The following WASHC2A variants were observed in gnomAD, a reference collection of about 807,000 sequenced individuals.
WASHC2A encodes WASH complex subunit FAM21A.
In WASHC2A, 82 loss-of-function variants were observed where a neutral mutation model predicts 140.3. The observed-to-expected ratio is 0.58, with a 90% CI of 0.49 to 0.70. WASHC2A has a LOEUF of 0.70. WASHC2A is among the 30% of genes least tolerant of loss of function. The probability of loss-of-function intolerance (pLI) is 0.00; values close to 1 mark genes in which losing one functional copy is unlikely to be tolerated. For missense variants in WASHC2A, 985 were observed against 1,521.8 expected (o/e 0.65, Z 5.87); for synonymous variants, 340 against 560.8 (o/e 0.61, Z 5.56).
At chr10:50,068,261 A>G (rs782797775) in intron 2 of WASHC2A, 34 bp downstream of exon 2, 165 of 1,535,118 alleles carry the variant, frequency 1.1e-4, no homozygotes, top group Non-Finnish European at 1.4e-4. Context: ...CGAGAGCGGC[A>G]GGGGTGACGC....
chr10:50,104,165 C>T lies in WASHC2A; in HGVS notation c.1737+22C>T, dbSNP rs1220089132. On this transcript the variant is annotated intron_variant, in intron 18 of 30. Transcript: ENST00000282633. ...AGAGGTAAACATTGTTATTGTAACA[C>T]TAGATAATTTAGATTAGGAGAAAAC... 2.0e-6 allele frequency: 3 copies of T among 1,533,812 alleles called. No homozygotes were observed. The African/African-American group carries it at 4.1e-5, about 21-fold the overall frequency.
rs1330147893 is a variant in WASHC2A at position 50,129,965 on chromosome 10, C to G, written c.3634C>G (p.Gln1212Glu). 1.2e-6 allele frequency: 2 copies of G among 1,611,922 alleles called. No homozygotes were observed. The highest frequency in any genetic ancestry group is 1.7e-5 in the Admixed American group (1 of 59,988). Residue 1212 changes from glutamine to glutamate, a missense_variant, in exon 29 of 31, where the codon CAG becomes GAG. Physicochemically the swap from Gln to Glu is conservative, Grantham distance 29. Transcript: ENST00000282633. ...LEDEDDLFTD[Q>E]KVKKNETKSN... ...AGATGAGGATGACCTCTTTACAGAT[C>G]AGAAAGTCAAGAAGAATGAGACAAA...
intron 3 of WASHC2A, among the ~76,000 whole-genome samples, chr10:50,073,315 C>T (rs1838025603): frequency 1.3e-5 from 2 of 151,944 alleles, no homozygotes; most frequent in South Asian, 4.2e-4. Context: ...AACAAATTAA[C>T]CTGTTTATGC....
intron 2 of WASHC2A, among the ~76,000 whole-genome samples, chr10:50,069,107 A>G (rs61856711): frequency 0.18 from 27,194 of 151,506 alleles, 3,289 homozygotes; most frequent in East Asian, 0.6. Flanking sequence ...GTGTTTTCCA[A>G]TGTCACTTGG....
intron 14 of WASHC2A, 139 bp downstream of exon 14, chr10:50,095,346 A>T (rs1840372169): frequency 1.1e-6 from 1 of 934,142 alleles, no homozygotes; most frequent in Admixed American, 2.9e-5. Flanking sequence ...TTATAGAAAG[A>T]GCTCATTTAC....
intron 4 of WASHC2A, among the ~76,000 whole-genome samples, chr10:50,079,131 ACTT>A (rs1838653371): frequency 6.6e-6 from 1 of 150,544 alleles, no homozygotes; most frequent in African/African-American, 2.5e-5. Context: ...GGTCACACTG[ACTT>A]CTTAGCACTC....
chr10:50,071,497 G>C (rs1217014592), intron 3 of WASHC2A, among the ~76,000 whole-genome samples: 4 of 151,930 alleles, frequency 2.6e-5, no homozygotes, highest in Non-Finnish European at 4.4e-5. Context: ...AGAAGAGACG[G>C]GGTTTCACCG....
chr10:50,077,696 A>G (rs1425204704), intron 3 of WASHC2A, among the ~76,000 whole-genome samples: 2 of 152,192 alleles, frequency 1.3e-5, no homozygotes, highest in Non-Finnish European at 2.9e-5. Context: ...TTTTTGAGAT[A>G]GGGTCTCACT....
At chr10:50,121,920 T>C (rs1285342083) in intron 23 of WASHC2A, among the ~76,000 whole-genome samples, 1 of 141,096 alleles carries the variant, frequency 7.1e-6, no homozygotes, top group African/African-American at 2.8e-5. Flanking sequence ...ATTGGTAAGG[T>C]GGCAATACTT....
At chr10:50,129,311 A>C in intron 28 of WASHC2A, 108 bp from the exon 29 acceptor site, 1 of 1,585,092 alleles carries the variant, frequency 6.3e-7, no homozygotes, top group Non-Finnish European at 8.6e-7. Context: ...TCTTCATTGA[A>C]GTAGACCAGA....
chr10:50,080,179 A>G (rs1475451627), intron 4 of WASHC2A, among the ~76,000 whole-genome samples: 1 of 152,218 alleles, frequency 6.6e-6, no homozygotes, highest in Non-Finnish European at 1.5e-5. Flanking sequence ...GGTGATATGA[A>G]CAAACCTTTT....
At chr10:50,127,323 C>CT (rs1843520773) in intron 27 of WASHC2A, 101 bp downstream of exon 27, 1 of 1,599,520 alleles carries the variant, frequency 6.3e-7, no homozygotes, top group South Asian at 1.1e-5. Context: ...CTTCTCATCT[C>CT]TTCCCCCGCC....
chr10:50,111,432 G>A (rs1352364006), intron 20 of WASHC2A, among the ~76,000 whole-genome samples: 74 of 152,160 alleles, frequency 4.9e-4, no homozygotes, highest in African/African-American at 1.7e-3. Flanking sequence ...GATTCTGCCA[G>A]TTCCTGTCTG....
chr10:50,089,121 T>C (rs1193925624), intron 8 of WASHC2A, among the ~76,000 whole-genome samples: 1 of 151,010 alleles, frequency 6.6e-6, no homozygotes, highest in Non-Finnish European at 1.5e-5. Context: ...TGTGCCACCA[T>C]GCCCAGCTAG....
intron 2 of WASHC2A, among the ~76,000 whole-genome samples, chr10:50,068,597 T>C (rs2805113): frequency 7.3e-5 from 11 of 151,280 alleles, no homozygotes; most frequent in Non-Finnish European, 1.5e-4. Context: ...TAATGGGATT[T>C]TTCAAATCGG....
At chr10:50,129,250 C>A in intron 28 of WASHC2A, 169 bp from the exon 29 acceptor site, 4 of 1,205,710 alleles carry the variant, frequency 3.3e-6, no homozygotes, top group South Asian at 1.5e-5. Context: ...CTATTAAACT[C>A]CTTCCTTGGA....
intron 3 of WASHC2A, among the ~76,000 whole-genome samples, chr10:50,072,481 CTTTTT>C (rs11440968): frequency 0.22 from 19,435 of 89,864 alleles, 798 homozygotes; most frequent in Admixed American, 0.33. Flanking sequence ...AGTGATCTGG[CTTTTT>C]TTTTTTTTTT....
At chr10:50,100,184 TA>T in intron 17 of WASHC2A, 120 bp downstream of exon 17, 1 of 1,485,180 alleles carries the variant, frequency 6.7e-7, no homozygotes, top group Non-Finnish European at 9.1e-7. Context: ...TCCAGTTCTT[TA>T]AAAATTATCT....
chr10:50,097,049 T>A (rs1284058505), intron 15 of WASHC2A, among the ~76,000 whole-genome samples: 1 of 129,664 alleles, frequency 7.7e-6, no homozygotes, highest in African/African-American at 2.6e-5. Flanking sequence ...GCTTGTTGAC[T>A]TGGGAAGATT....
Sources: gnomAD v4.1 joint callset for allele counts (sites outside exome capture counted in the v4.1 genomes callset) on GRCh38, gnomAD v4.1.1 for gene constraint, MANE v1.5 for transcripts, NCBI Gene and HGNC (gene_info 2026-07-23, HGNC 2026-07-21) for gene names.